KIF21B: variants seen among roughly 807,000 people sequenced by gnomAD.
The protein encoded by KIF21B is kinesin family member 21B.
Under a neutral mutation model 192.9 loss-of-function variants are expected in KIF21B, and 85 were observed. That is an observed-to-expected ratio of 0.44 (90% confidence interval 0.37 to 0.53). The LOEUF (loss-of-function observed/expected upper bound fraction) is 0.53, where lower values mean the gene tolerates loss of function less well. Ranked by LOEUF, KIF21B falls within the 20% of genes least tolerant of loss-of-function variation. The pLI is 0.00. For missense variants in KIF21B, 1,716 were observed against 2,194.8 expected (o/e 0.78, Z 4.36); for synonymous variants, 832 against 884.6 (o/e 0.94, Z 1.05).
intron 1 of KIF21B, among the ~76,000 whole-genome samples, chr1:201,013,303 C>A (rs1658335152): frequency 6.6e-6 from 1 of 152,156 alleles, no homozygotes; most frequent in Non-Finnish European, 1.5e-5. Flanking sequence ...TTCCTGCTTT[C>A]AACTTTCTAA....
intron 1 of KIF21B, among the ~76,000 whole-genome samples, chr1:201,021,859 A>G (rs1418549011): frequency 6.6e-6 from 1 of 151,862 alleles, no homozygotes; most frequent in Non-Finnish European, 1.5e-5. Context: ...TCTGCTGCAG[A>G]TGCCATATTT....
chr1:201,007,820 GAC>G (rs1571961544), intron 3 of KIF21B, among the ~76,000 whole-genome samples: 2 of 149,958 alleles, frequency 1.3e-5, no homozygotes, highest in East Asian at 4.0e-4. Flanking sequence ...AGACACACAA[GAC>G]ACAGAGCCAC....
At position 200,979,724 on chromosome 1, in the gene KIF21B, G is replaced by C; in HGVS notation, c.3980-9C>G. 1 of 1,499,180 alleles carries C rather than the reference G, an allele frequency of 6.7e-7. No individual in the cohort carries two copies. Among genetic ancestry groups the C allele is most frequent in the South Asian group, 1.3e-5 (1 of 75,358 alleles). The allele number at this position is 1,499,180 out of a possible 1,614,324, so 92.9% of individuals were successfully genotyped here. A position where few individuals can be genotyped will look rare whatever the true frequency, so the allele number is the denominator to read the frequency against. On this transcript the variant is annotated splice_polypyrimidine_tract_variant and intron_variant, in intron 29 of 34. Coordinates refer to ENST00000461742, the MANE Select transcript of KIF21B (RefSeq NM_001252102.2). ...CATCTTGCAGCTTCGGTCTGTGAGA[G>C]ATGGGAGGAAGCCACAGGGAGGGGA...
In KIF21B at chr1:201,008,834, T is replaced by C. The variant is rs371216148; in HGVS notation, c.382A>G (p.Lys128Glu). ...AHLFGGIAER[K>E]RRAQEQGVAG... ...ACGCCCTGCTCCTGTGCCCGGCGCT[T>C]GCGCTCGGCAATGCCCCCAAAGAGG... The change falls in exon 3 of 35, where the codon AAG (lysine) becomes GAG (glutamate). Residue 128 changes from lysine to glutamate, a missense_variant. This residue lies in a region of KIF21B where 1,087 missense variants were observed against 1,316.6 expected (regional missense o/e 0.83). Coordinates refer to ENST00000461742, the MANE Select transcript of KIF21B (RefSeq NM_001252102.2). 1.7e-5 allele frequency: 27 copies of C among 1,608,552 alleles called. No homozygotes were observed. In the African/African-American group the frequency reaches 2.8e-4, roughly 17 times the overall value.
In KIF21B at chr1:200,973,524, G is replaced by C; in HGVS notation, c.4869C>G (p.Pro1623=). Residue 1623 remains proline, a synonymous_variant, in exon 35 of 35, where the codon CCC becomes CCG. Transcript: ENST00000461742. ...SVRRLPHSGP[P] is the part of the protein sequence containing the mutation. ...GGGCATCCCTCTGACCTCACTCCTA[G>C]GGTGGGCCGCTGTGGGGTAACCGCC... The C allele has an allele frequency of 6.8e-7, 1 of 1,480,658 alleles. No homozygotes were observed. The highest frequency in any genetic ancestry group is 8.9e-7 in the Non-Finnish European group (1 of 1,127,952). The allele number at this position is 1,480,658 out of a possible 1,614,324, so 91.7% of individuals were successfully genotyped here.
chr1:200,977,139 C>G (rs1655610005), intron 31 of KIF21B, 73 bp downstream of exon 31: 4 of 1,531,048 alleles, frequency 2.6e-6, no homozygotes, highest in Non-Finnish European at 3.5e-6. Context: ...TGGGGTGGGT[C>G]CCCCTGAACC....
intron 14 of KIF21B, among the ~76,000 whole-genome samples, chr1:200,996,688 T>C (rs1341602981): frequency 2.0e-5 from 3 of 152,130 alleles, no homozygotes; most frequent in African/African-American, 7.2e-5. Context: ...AACTCACTCA[T>C]GCTGGCTGGG....
Position 200,990,962 on chromosome 1 carries a change from A to G in KIF21B, c.2642T>C (p.Leu881Ser), listed in dbSNP as rs1367298121. ...GACAGTGGGCGCAGGATGGTCCCCC[A>G]AGAAGTGGTTGATTTTGCGGTTCCA... ...RQWNRKINHF[L>S]GDHPAPTVNG... Residue 881 changes from leucine to serine, a missense_variant, in exon 18 of 35, where the codon TTG (leucine) becomes TCG (serine). Transcript: ENST00000461742. The surrounding 1 kb of genome is among the most constrained non-coding windows in gnomAD (Gnocchi z 5.4). 3.7e-6 allele frequency: 6 copies of G among 1,614,136 alleles called. No individual in the cohort carries two copies. Among genetic ancestry groups the G allele is most frequent in the Non-Finnish European group, 5.1e-6 (6 of 1,180,044 alleles).
chr1:201,019,249 TA>T (rs397815123), intron 1 of KIF21B, among the ~76,000 whole-genome samples: 1 of 152,044 alleles, frequency 6.6e-6, no homozygotes. Context: ...CCATTTTTTT[TA>T]AAAAAACATT....
At chr1:200,983,760 C>T (rs1656106327) in intron 27 of KIF21B, among the ~76,000 whole-genome samples, 1 of 152,174 alleles carries the variant, frequency 6.6e-6, no homozygotes, top group African/African-American at 2.4e-5. Flanking sequence ...TGGAGATGGG[C>T]TAGGAGTGAT....
In KIF21B at chr1:200,990,441, A is replaced by G; in HGVS notation, c.2836-109T>C. 1 of 1,466,410 alleles carries G rather than the reference A, an allele frequency of 6.8e-7. No individual in the cohort carries two copies. Among genetic ancestry groups the G allele is most frequent in the South Asian group, 1.3e-5 (1 of 79,126 alleles). The allele number at this position is 1,466,410 out of a possible 1,614,324, so 90.8% of individuals were successfully genotyped here. ...GGCTGGCCTGTGAGGTCCCCCCAGC[A>G]CCTCTGGATTCCAGAGCAGGCAAAA... On this transcript the variant is annotated intron_variant, in intron 19 of 34. Coordinates refer to ENST00000461742, the MANE Select transcript of KIF21B (RefSeq NM_001252102.2). This position sits in a 1 kb window ranked among gnomAD's most constrained non-coding sequence, Gnocchi z 5.4.
At position 201,004,890 on chromosome 1, in the gene KIF21B, G is replaced by A. The variant is rs141814113; in HGVS notation, c.776C>T (p.Ser259Leu). 83 of 1,613,074 alleles carry A rather than the reference G, an allele frequency of 5.1e-5. No individual in the cohort carries two copies. Among genetic ancestry groups the A allele is most frequent in the East Asian group, 1.1e-4 (5 of 44,852 alleles). Reference sequence around the variant, plus strand: ...AGCAGTGAGTGTCTCATACTCACTCGAGGGAGGTGTACCATCAGGAAGCCC... The same window carrying A: ...AGCAGTGAGTGTCTCATACTCACTCAAGGGAGGTGTACCATCAGGAAGCCC... Reference protein sequence around the residue: ...VTGLPDGTPPSSEYETLTAKF... With the variant: ...VTGLPDGTPPLSEYETLTAKF... The change falls in exon 6 of 35, where the codon TCG (serine) becomes TTG (leucine). Residue 259 changes from serine (S) to leucine (L), a missense_variant. Transcript: ENST00000461742.
In KIF21B at chr1:200,973,430, A is replaced by T; in HGVS notation, c.*91T>A. On this transcript the variant is annotated 3_prime_UTR_variant, in exon 35 of 35. Coordinates refer to ENST00000461742, the MANE Select transcript of KIF21B (RefSeq NM_001252102.2). ...GGGCCACGCCCTCTGTCCCCAGAGC[A>T]GCTGGCCCCATCGGCCGGGTCACAG... 3.7e-6 allele frequency: 5 copies of T among 1,361,706 alleles called. No homozygotes were observed. The highest frequency in any genetic ancestry group is 4.7e-6 in the Non-Finnish European group (5 of 1,060,764). The allele number at this position is 1,361,706 out of a possible 1,614,324, so 84.4% of individuals were successfully genotyped here.
In KIF21B at chr1:200,983,114, A is replaced by C; in HGVS notation, c.3804-20T>G. On this transcript the variant is annotated intron_variant, in intron 27 of 34. Transcript: ENST00000461742. ...TCAGACCTGGGGAGGGCAGAAAATT[A>C]GCTGGATTAGGGGGTGAGAGGAGAC... 1 of 1,535,546 alleles carries C rather than the reference A, an allele frequency of 6.5e-7. No homozygotes were observed.
Position 200,990,394 on chromosome 1 carries a change from C to A in KIF21B, c.2836-62G>T. ...GAGAGGCCTCAGGTAGCTGCCAAGC[C>A]CTGCCCATAGCTTCCACCACAGGCT... On this transcript the variant is annotated intron_variant, in intron 19 of 34. Coordinates refer to ENST00000461742, the MANE Select transcript of KIF21B (RefSeq NM_001252102.2). This position sits in a 1 kb window ranked among gnomAD's most constrained non-coding sequence, Gnocchi z 5.4. The A allele has an allele frequency of 1.3e-6, 2 of 1,520,816 alleles. No homozygotes were observed. Among genetic ancestry groups the A allele is most frequent in the Admixed American group, 1.9e-5 (1 of 52,616 alleles). 94.2% of individuals were successfully genotyped at this position (1,520,816 alleles called of 1,614,324 possible).
chr1:200,999,611 C>G lies in KIF21B; in HGVS notation c.1768-145G>C. On this transcript the variant is annotated intron_variant, in intron 12 of 34. Coordinates refer to ENST00000461742, the MANE Select transcript of KIF21B (RefSeq NM_001252102.2). This position sits in a 1 kb window ranked among gnomAD's most constrained non-coding sequence, Gnocchi z 4.7. ...GCTGAGCCCCCCTGCCCACCCCCTA[C>G]TCCTGGAAGAGTGCCGCCTCCCCCA... 2 of 1,426,686 alleles carry G rather than the reference C, an allele frequency of 1.4e-6. No homozygotes were observed. Among genetic ancestry groups the G allele is most frequent in the Non-Finnish European group, 1.9e-6 (2 of 1,059,376 alleles). 88.4% of individuals were successfully genotyped at this position (1,426,686 alleles called of 1,614,324 possible). A position where few individuals can be genotyped will look rare whatever the true frequency, so the allele number is the denominator to read the frequency against.
In KIF21B at chr1:200,974,703, C is replaced by G. The variant is rs746703293; in HGVS notation, c.4814+11G>C. On this transcript the variant is annotated intron_variant, in intron 34 of 34. Transcript: ENST00000461742. ...AGGGAGCAGAGGCAGACCTCTCTGA[C>G]CAGCACCCACCTGGAGGCTGTGAAG... The G allele has an allele frequency of 3.1e-6, 5 of 1,613,904 alleles. No individual in the cohort carries two copies. Among genetic ancestry groups the G allele is most frequent in the Non-Finnish European group, 4.2e-6 (5 of 1,179,872 alleles).
rs1228244811 is a variant in KIF21B, at chr1:200,975,816, C to A, written c.4444-147G>T. 2 of 759,194 alleles carry A rather than the reference C, an allele frequency of 2.6e-6. No homozygotes were observed. Among genetic ancestry groups the A allele is most frequent in the Non-Finnish European group, 4.1e-6 (2 of 491,026 alleles). The allele number at this position is 759,194 out of a possible 1,614,324, so 47.0% of individuals were successfully genotyped here. On this transcript the variant is annotated intron_variant, in intron 32 of 34. Transcript: ENST00000461742. The surrounding 1 kb of genome is among the most constrained non-coding windows in gnomAD (Gnocchi z 4.3). ...CTGGGGAGAGGAGCTTCCCAGCAGG[C>A]GAGGGTTCCTGGAGGTGGGGCTGCT...
At position 200,999,536 on chromosome 1, in the gene KIF21B, G is replaced by T; in HGVS notation, c.1768-70C>A. On this transcript the variant is annotated intron_variant, in intron 12 of 34. Coordinates refer to ENST00000461742, the MANE Select transcript of KIF21B (RefSeq NM_001252102.2). This position sits in a 1 kb window ranked among gnomAD's most constrained non-coding sequence, Gnocchi z 4.7. ...GAGCCCAGAAGCAGAGGTGCATCCCGACACAATGCCTCAGGTGTGTCAGGA... is the reference window on the plus strand; with the variant it reads ...GAGCCCAGAAGCAGAGGTGCATCCCTACACAATGCCTCAGGTGTGTCAGGA... 1 of 1,576,398 alleles carries T rather than the reference G, an allele frequency of 6.3e-7. No individual in the cohort carries two copies. The highest frequency in any genetic ancestry group is 2.2e-5 in the East Asian group (1 of 44,728).
Sources: gnomAD v4.1 joint callset for allele counts (sites outside exome capture counted in the v4.1 genomes callset) on GRCh38, gnomAD v4.1.1 for gene constraint, gnomAD v4.1.1 regional missense constraint, Gnocchi (gnomAD v3.1) non-coding constraint, MANE v1.5 for transcripts, NCBI Gene and HGNC (gene_info 2026-07-23, HGNC 2026-07-21) for gene names.